IGF2BP2: variants seen among roughly 807,000 people sequenced by gnomAD.
IGF2BP2 encodes the protein insulin-like growth factor 2 mRNA-binding protein 2.
In IGF2BP2, 17 loss-of-function variants were observed where a neutral mutation model predicts 75.8. That is an observed-to-expected ratio of 0.22 (90% confidence interval 0.15 to 0.34). The LOEUF is 0.34. IGF2BP2 is among the 10% of genes least tolerant of loss of function. The probability of loss-of-function intolerance (pLI) is 1.00; values close to 1 mark genes in which losing one functional copy is unlikely to be tolerated. For synonymous variants in IGF2BP2, 288 were observed against 295.6 expected (o/e 0.97, Z 0.26); for missense variants, 516 against 772.4 (o/e 0.67, Z 3.93).
chr3:185,695,069 A>G (rs1722409423), intron 4 of IGF2BP2, among the ~76,000 whole-genome samples: 1 of 152,126 alleles, frequency 6.6e-6, no homozygotes, highest in South Asian at 2.1e-4. Context: ...CCTGGGCGAC[A>G]GAGTGAGACT....
At chr3:185,769,917 A>C (rs571083382) in intron 2 of IGF2BP2, among the ~76,000 whole-genome samples, 5 of 151,740 alleles carry the variant, frequency 3.3e-5, no homozygotes, top group South Asian at 4.2e-4. Flanking sequence ...TGTCATGCTT[A>C]CTATCTATTA....
intron 2 of IGF2BP2, among the ~76,000 whole-genome samples, chr3:185,779,963 G>A (rs1054641298): frequency 6.6e-6 from 1 of 152,262 alleles, no homozygotes; most frequent in Middle Eastern, 3.4e-3. Context: ...GATGTTTATT[G>A]CAGCATGTTT....
intron 2 of IGF2BP2, among the ~76,000 whole-genome samples, chr3:185,730,428 C>CTTTTTT (rs71632076): frequency 6.2e-5 from 6 of 96,760 alleles, no homozygotes; most frequent in Admixed American, 2.4e-4. Context: ...GCGCAGGTGT[C>CTTTTTT]TTTTTTTTTT....
intron 2 of IGF2BP2, among the ~76,000 whole-genome samples, chr3:185,731,729 C>A (rs926582658): frequency 2.6e-5 from 4 of 151,858 alleles, no homozygotes; most frequent in Non-Finnish European, 5.9e-5. Context: ...AATCCCAGCA[C>A]TTTGGGAGGC....
chr3:185,744,870 A>G (rs1293420637), intron 2 of IGF2BP2, among the ~76,000 whole-genome samples: 1 of 152,202 alleles, frequency 6.6e-6, no homozygotes, highest in African/African-American at 2.4e-5. Context: ...AACTCAGCAT[A>G]TCATGTTTTC....
At chr3:185,804,886 G>A (rs1489685337) in intron 2 of IGF2BP2, among the ~76,000 whole-genome samples, 2 of 151,758 alleles carry the variant, frequency 1.3e-5, no homozygotes, top group Non-Finnish European at 2.9e-5. Context: ...CCAGCTACTC[G>A]GGAGGCTGAG....
chr3:185,779,859 A>G (rs891221164), intron 2 of IGF2BP2, among the ~76,000 whole-genome samples: 2 of 152,224 alleles, frequency 1.3e-5, no homozygotes, highest in Non-Finnish European at 2.9e-5. Context: ...AATAAAATGT[A>G]AAGGTATATG....
chr3:185,761,600 C>T (rs1281505054), intron 2 of IGF2BP2, among the ~76,000 whole-genome samples: 1 of 152,154 alleles, frequency 6.6e-6, no homozygotes, highest in Non-Finnish European at 1.5e-5. Context: ...AACATTAAAA[C>T]CCAAGCTTTC....
chr3:185,746,790 G>A (rs1023910049), intron 2 of IGF2BP2, among the ~76,000 whole-genome samples: 3 of 152,260 alleles, frequency 2.0e-5, no homozygotes, highest in South Asian at 2.1e-4. Flanking sequence ...AGAAGTTATC[G>A]GAGCTATTAT....
intron 2 of IGF2BP2, among the ~76,000 whole-genome samples, chr3:185,811,962 C>T (rs1174170743): frequency 4.0e-5 from 6 of 151,500 alleles, no homozygotes; most frequent in Admixed American, 3.3e-4. Flanking sequence ...CAGGACTTTC[C>T]AAGAGTCCTT....
At chr3:185,757,910 C>A (rs1432629854) in intron 2 of IGF2BP2, among the ~76,000 whole-genome samples, 2 of 152,204 alleles carry the variant, frequency 1.3e-5, no homozygotes. Context: ...TCTGACCTGC[C>A]CGTGACAACA....
At chr3:185,801,164 A>G (rs1226393973) in intron 2 of IGF2BP2, among the ~76,000 whole-genome samples, 1 of 152,224 alleles carries the variant, frequency 6.6e-6, no homozygotes, top group South Asian at 2.1e-4. Flanking sequence ...ATGAGATACC[A>G]TATCAAGGCA....
intron 2 of IGF2BP2, among the ~76,000 whole-genome samples, chr3:185,726,331 C>A (rs983072924): frequency 2.7e-4 from 41 of 152,140 alleles, no homozygotes; most frequent in African/African-American, 9.7e-4. Flanking sequence ...GACACACAAA[C>A]TGGGGAATGA....
At chr3:185,753,398 G>A (rs537350510) in intron 2 of IGF2BP2, among the ~76,000 whole-genome samples, 3 of 152,080 alleles carry the variant, frequency 2.0e-5, no homozygotes, top group Non-Finnish European at 4.4e-5. Flanking sequence ...CAACGTTACA[G>A]GGAAAGATGC....
At chr3:185,757,655 G>GTA (rs1731812707) in intron 2 of IGF2BP2, among the ~76,000 whole-genome samples, 1 of 151,834 alleles carries the variant, frequency 6.6e-6, no homozygotes, top group African/African-American at 2.4e-5. Context: ...TGTAGAGATG[G>GTA]GGTTTCGCCA....
chr3:185,677,190 G>C (rs1719689496), intron 7 of IGF2BP2, among the ~76,000 whole-genome samples: 1 of 150,608 alleles, frequency 6.6e-6, no homozygotes, highest in Admixed American at 6.6e-5. Flanking sequence ...AAGAGCAAAG[G>C]GGAGGAAACC....
chr3:185,696,696 A>C (rs751456028), intron 3 of IGF2BP2, 33 bp from the exon 4 acceptor site: 1 of 1,584,378 alleles, frequency 6.3e-7, no homozygotes, highest in East Asian at 2.2e-5. Context: ...CAGAATGGGA[A>C]GGCAAGATCA....
chr3:185,753,326 G>A (rs1731195383), intron 2 of IGF2BP2, among the ~76,000 whole-genome samples: 2 of 152,118 alleles, frequency 1.3e-5, no homozygotes, highest in African/African-American at 4.8e-5. Flanking sequence ...GCCCCTCCAA[G>A]TCTGTGTCTT....
At chr3:185,821,361 TA>T (rs1169630373) in intron 2 of IGF2BP2, among the ~76,000 whole-genome samples, 1 of 152,206 alleles carries the variant, frequency 6.6e-6, no homozygotes, top group Non-Finnish European at 1.5e-5. Context: ...TAGGGCTGTA[TA>T]AATCCTAGAT....
Sources: allele counts gnomAD v4.1 joint callset (sites outside exome capture counted in the v4.1 genomes callset), GRCh38; gene constraint gnomAD v4.1.1; transcripts MANE v1.5; gene names NCBI Gene and HGNC (gene_info 2026-07-23, HGNC 2026-07-21).